NYAP2: variants seen among roughly 807,000 people sequenced by gnomAD.
The protein encoded by NYAP2 is neuronal tyrosine-phosphorylated phosphoinositide-3-kinase adaptor 2.
A neutral mutation model predicts 50.4 loss-of-function variants in NYAP2; 23 were observed. The observed-to-expected ratio is 0.46, with a 90% CI of 0.33 to 0.65. The LOEUF is 0.65. NYAP2 is among the 30% of genes least tolerant of loss of function. The pLI, the probability that NYAP2 is intolerant of heterozygous loss-of-function variation, is 0.02. For synonymous variants in NYAP2, 394 were observed against 365.2 expected (o/e 1.08, Z -0.90); for missense variants, 885 against 861.0 (o/e 1.03, Z -0.35).
chr2:225,451,985 C>T (rs1157314878), intron 3 of NYAP2, among the ~76,000 whole-genome samples: 1 of 152,050 alleles, frequency 6.6e-6, no homozygotes, highest in Non-Finnish European at 1.5e-5. Flanking sequence ...CACACACACA[C>T]ATAAATTGTC....
intron 6 of NYAP2, among the ~76,000 whole-genome samples, chr2:225,631,993 T>A (rs1693325065): frequency 6.6e-6 from 1 of 152,164 alleles, no homozygotes. Context: ...AATTTTGGCA[T>A]TTTTAGTAGA....
chr2:225,671,850 AGCTATT>A, the NYAP2 span, among the ~76,000 whole-genome samples: 3 of 152,100 alleles, frequency 2.0e-5, no homozygotes, highest in Non-Finnish European at 4.4e-5. Context: ...TCTCCATGAG[AGCTATT>A]GAGTGACCAG....
exon 7 of NYAP2, chr2:225,651,704 T>C: frequency 2.3e-6 from 2 of 867,330 alleles, no homozygotes; most frequent in Non-Finnish European, 3.5e-6. Flanking sequence ...GTCTGTGTTT[T>C]CATTTGAAAA....
At chr2:225,547,213 TG>T (rs1691600213) in intron 4 of NYAP2, among the ~76,000 whole-genome samples, 2 of 152,200 alleles carry the variant, frequency 1.3e-5, no homozygotes, top group African/African-American at 4.8e-5. Context: ...GGACCTACCC[TG>T]GGCCCACTGG....
chr2:225,433,816 C>CAAAAAA (rs35886164), intron 3 of NYAP2, among the ~76,000 whole-genome samples: 18 of 62,458 alleles, frequency 2.9e-4, no homozygotes, highest in South Asian at 8.3e-4. Context: ...GACTCCGTCT[C>CAAAAAA]AAAAAAAAAA....
exon 6 of NYAP2, chr2:225,626,951 C>T: frequency 6.3e-7 from 1 of 1,583,240 alleles, no homozygotes; most frequent in Non-Finnish European, 8.6e-7. Flanking sequence ...GAAGCCACAG[C>T]ACGGAGCCAT....
At chr2:225,419,653 C>A (rs760716776) in intron 3 of NYAP2, among the ~76,000 whole-genome samples, 1 of 152,214 alleles carries the variant, frequency 6.6e-6, no homozygotes, top group Non-Finnish European at 1.5e-5. Flanking sequence ...GCACAACTAG[C>A]GGGGTAGTCA....
In NYAP2 at chr2:225,440,263, A is replaced by G. The variant is rs1032503070; in HGVS notation, c.221+31162A>G. Among the ~76,000 whole-genome samples the G allele has an allele frequency of 3.3e-5, 5 of 152,328 alleles. No homozygotes were observed. In the East Asian group the frequency reaches 9.7e-4, roughly 29 times the overall value. On this transcript the variant is annotated intron_variant, in intron 3 of 6. Coordinates refer to ENST00000636099, the Ensembl canonical transcript of NYAP2. ...GCTAATTCCACCTTCAGATCATAGG[A>G]TGCGCTGGGTAGAATAAATGAAGAT...
chr2:225,639,842 C>T (rs7597996), intron 6 of NYAP2, among the ~76,000 whole-genome samples: 79,775 of 151,856 alleles, frequency 0.53, 21,446 homozygotes, highest in Admixed American at 0.66. Context: ...TGTGTTTCAA[C>T]GCATCCTAAT....
At chr2:225,620,482 C>A (rs900667757) in intron 5 of NYAP2, among the ~76,000 whole-genome samples, 1 of 150,522 alleles carries the variant, frequency 6.6e-6, no homozygotes, top group Non-Finnish European at 1.5e-5. Context: ...CGCACACGCA[C>A]GCACGCACAC....
chr2:225,421,085 G>C (rs1444028769), intron 3 of NYAP2, among the ~76,000 whole-genome samples: 1 of 151,592 alleles, frequency 6.6e-6, no homozygotes, highest in African/African-American at 2.4e-5. Context: ...ACTATGCCCA[G>C]CTAATGGTAG....
intron 4 of NYAP2, among the ~76,000 whole-genome samples, chr2:225,524,561 G>A (rs997666606): frequency 2.0e-5 from 3 of 151,940 alleles, no homozygotes; most frequent in African/African-American, 7.2e-5. Context: ...CCATCACAAA[G>A]CTGGATCCAT....
rs1484587377 is a variant in NYAP2 at position 225,582,027 on chromosome 2, A to G, written c.610A>G (p.Ser204Gly). Reference sequence around the variant, plus strand: ...GAAGCGAAATCCGAACACTCAGCTGAGCACATCTTTCGATGAAACGTACAT... The same window carrying G: ...GAAGCGAAATCCGAACACTCAGCTGGGCACATCTTTCGATGAAACGTACAT... The change falls in exon 5 of 7, where the codon AGC becomes GGC. Residue 204 changes from serine (S) to glycine (G), a missense_variant. Transcript: ENST00000636099. This position sits in a 1 kb window ranked among gnomAD's most constrained non-coding sequence, Gnocchi z 7.0. 3 of 1,613,924 alleles carry G rather than the reference A, an allele frequency of 1.9e-6. No homozygotes were observed. Among genetic ancestry groups the G allele is most frequent in the Non-Finnish European group, 2.5e-6 (3 of 1,179,900 alleles).
At chr2:225,511,887 T>G (rs530803018) in intron 3 of NYAP2, among the ~76,000 whole-genome samples, 1 of 152,290 alleles carries the variant, frequency 6.6e-6, no homozygotes, top group African/African-American at 2.4e-5. Context: ...CTGAATAAAC[T>G]TACATGTCTG....
intron 6 of NYAP2, among the ~76,000 whole-genome samples, chr2:225,633,393 A>G (rs16866674): frequency 0.018 from 2,765 of 152,300 alleles, 80 homozygotes; most frequent in African/African-American, 0.064. Flanking sequence ...GAAAAGGTCT[A>G]AGATGAGATG....
intron 6 of NYAP2, among the ~76,000 whole-genome samples, chr2:225,638,149 CGTGTGTTTGT>C (rs1235174490): frequency 0.016 from 1,617 of 102,884 alleles, 27 homozygotes; most frequent in African/African-American, 0.054. Flanking sequence ...TAAACAGACT[CGTGTGTTTGT>C]GTGTGTGTGT....
At chr2:225,672,980 C>CTGTTAGTTAT in the NYAP2 span, among the ~76,000 whole-genome samples, 2 of 151,646 alleles carry the variant, frequency 1.3e-5, no homozygotes, top group Non-Finnish European at 2.9e-5. Flanking sequence ...AGTCTGTTCT[C>CTGTTAGTTAT]ACACTGTTAA....
At chr2:225,401,365 G>C (rs1694858814) in intron 2 of NYAP2, among the ~76,000 whole-genome samples, 2 of 152,052 alleles carry the variant, frequency 1.3e-5, no homozygotes, top group Admixed American at 6.6e-5. Flanking sequence ...TGGCATTCAA[G>C]TTGTGCATGC....
At chr2:225,530,558 CTA>C (rs1176845675) in intron 4 of NYAP2, among the ~76,000 whole-genome samples, 1 of 152,184 alleles carries the variant, frequency 6.6e-6, no homozygotes, top group African/African-American at 2.4e-5. Flanking sequence ...TCTTACTACT[CTA>C]TTTGTCTCCT....
Sources: gnomAD v4.1 joint callset for allele counts (sites outside exome capture counted in the v4.1 genomes callset) on GRCh38, gnomAD v4.1.1 for gene constraint, Gnocchi (gnomAD v3.1) non-coding constraint, MANE v1.5 for transcripts, NCBI Gene and HGNC (gene_info 2026-07-23, HGNC 2026-07-21) for gene names.